The following MEGF11 variants were observed in gnomAD, a reference collection of about 807,000 sequenced individuals.
The protein encoded by MEGF11 is multiple EGF like domains 11, also known as multiple epidermal growth factor-like domains protein 11.
Under a neutral mutation model 146.6 loss-of-function variants are expected in MEGF11, and 126 were observed. That is an observed-to-expected ratio of 0.86 (90% CI 0.74 to 1.00). The LOEUF is 1.00. Among genes scored for constraint, MEGF11 ranks in the 50% least tolerant of loss-of-function variants. The pLI, the probability that MEGF11 is intolerant of heterozygous loss-of-function variation, is 0.00. For synonymous variants in MEGF11, 532 were observed against 583.4 expected (o/e 0.91, Z 1.27); for missense variants, 1,509 against 1,521.2 (o/e 0.99, Z 0.13).
chr15:65,917,677 C>A (rs1032659854), intron 16 of MEGF11, among the ~76,000 whole-genome samples: 2 of 152,242 alleles, frequency 1.3e-5, no homozygotes, highest in African/African-American at 4.8e-5. Context: ...CCCATCCAAA[C>A]TCGGGCTGCT....
chr15:65,965,583 T>C (rs1329997198), intron 8 of MEGF11, among the ~76,000 whole-genome samples: 12 of 20,572 alleles, frequency 5.8e-4, no homozygotes, highest in Admixed American at 1.6e-3. Flanking sequence ...TTTCTTTCTT[T>C]CTTTCTTTCT....
chr15:66,210,246 C>T (rs1180969551), intron 1 of MEGF11, among the ~76,000 whole-genome samples: 2 of 152,206 alleles, frequency 1.3e-5, no homozygotes, highest in Non-Finnish European at 2.9e-5. Flanking sequence ...TCTTCAACTG[C>T]ATGTGAATCT....
chr15:66,047,816 G>A (rs1306527065), intron 5 of MEGF11, among the ~76,000 whole-genome samples: 3 of 152,224 alleles, frequency 2.0e-5, no homozygotes, highest in Admixed American at 1.3e-4. Context: ...CAGGACTGGG[G>A]CTGAGAGATG....
At chr15:66,080,899 C>G (rs542618855) in intron 5 of MEGF11, among the ~76,000 whole-genome samples, 1 of 152,214 alleles carries the variant, frequency 6.6e-6, no homozygotes, top group Non-Finnish European at 1.5e-5. Flanking sequence ...TGCGAAGGGC[C>G]GCGGGCTTGG....
At chr15:66,032,321 T>C (rs2083554374) in intron 5 of MEGF11, among the ~76,000 whole-genome samples, 1 of 152,188 alleles carries the variant, frequency 6.6e-6, no homozygotes, top group African/African-American at 2.4e-5. Context: ...AGAAAATTGA[T>C]ACTGAAAAAT....
At chr15:66,147,603 C>T (rs1567263450) in intron 1 of MEGF11, among the ~76,000 whole-genome samples, 3 of 152,208 alleles carry the variant, frequency 2.0e-5, no homozygotes, top group Admixed American at 6.5e-5. Context: ...GGCAACAGTG[C>T]TCCGGGCAGA....
At chr15:66,114,057 T>C (rs2140881663) in intron 4 of MEGF11, among the ~76,000 whole-genome samples, 1 of 152,268 alleles carries the variant, frequency 6.6e-6, no homozygotes, top group South Asian at 2.1e-4. Flanking sequence ...GTCCCCCAGG[T>C]GATTCTGGTT....
chr15:66,014,048 G>C (rs1365378141), intron 5 of MEGF11, among the ~76,000 whole-genome samples: 1 of 152,228 alleles, frequency 6.6e-6, no homozygotes, highest in Admixed American at 6.5e-5. Context: ...ATGGGTTTGA[G>C]TGAGGAGAGG....
intron 1 of MEGF11, among the ~76,000 whole-genome samples, chr15:66,236,364 G>A (rs1259115560): frequency 6.6e-6 from 1 of 152,144 alleles, no homozygotes; most frequent in African/African-American, 2.4e-5. Context: ...CGACAGGCAG[G>A]GACATGGTCC....
At chr15:66,148,219 G>A (rs1477298383) in intron 1 of MEGF11, among the ~76,000 whole-genome samples, 2 of 152,094 alleles carry the variant, frequency 1.3e-5, no homozygotes, top group Non-Finnish European at 2.9e-5. Context: ...GTAATGATGT[G>A]ATGTAGGGAA....
At chr15:66,044,813 A>G (rs2140313702) in intron 5 of MEGF11, among the ~76,000 whole-genome samples, 2 of 147,324 alleles carry the variant, frequency 1.4e-5, no homozygotes, top group African/African-American at 5.1e-5. Context: ...TGATCACATC[A>G]CTGCACTGCA....
chr15:65,905,144 C>G (rs1187949486), intron 24 of MEGF11: 1 of 152,296 alleles, frequency 6.6e-6, no homozygotes, highest in Non-Finnish European at 1.5e-5. Flanking sequence ...CCACCTGCCT[C>G]GGCCTCTCAA....
chr15:66,186,978 C>A (rs1230598011), intron 1 of MEGF11, among the ~76,000 whole-genome samples: 2 of 152,174 alleles, frequency 1.3e-5, no homozygotes, highest in Non-Finnish European at 2.9e-5. Flanking sequence ...CTGTGTGTGG[C>A]CTCAGGTGCA....
intron 5 of MEGF11, among the ~76,000 whole-genome samples, chr15:66,047,850 C>T (rs1008602233): frequency 3.9e-5 from 6 of 152,158 alleles, no homozygotes; most frequent in African/African-American, 7.2e-5. Flanking sequence ...CATGCCCTCC[C>T]GTGGGGCAGA....
intron 14 of MEGF11, among the ~76,000 whole-genome samples, 167 bp from the exon 15 acceptor site, chr15:65,922,639 C>T (rs565465780): frequency 2.0e-5 from 3 of 152,296 alleles, no homozygotes; most frequent in Admixed American, 1.3e-4. Context: ...GCCCTGTTTC[C>T]ATTGAGTAGC....
Position 65,992,942 on chromosome 15 carries a change from T to C in MEGF11, c.395-10454A>G, listed in dbSNP as rs113506326. Among the ~76,000 whole-genome samples, 1,213 of 152,280 alleles carry C rather than the reference T, an allele frequency of 8.0e-3. 24 individuals are homozygous for C. The highest frequency in any genetic ancestry group is 0.028 in the African/African-American group (1,158 of 41,554). ...GAGGACCCAGGAGGCACCGCAGAGCTGGAACATTGGAGTTCTTTTATACTT... is the reference window on the plus strand; with the variant it reads ...GAGGACCCAGGAGGCACCGCAGAGCCGGAACATTGGAGTTCTTTTATACTT... On this transcript the variant is annotated intron_variant, in intron 5 of 25. Coordinates refer to ENST00000395614, the MANE Select transcript of MEGF11 (RefSeq NM_001385028.1).
At chr15:65,908,954 C>A in intron 23 of MEGF11, 80 bp downstream of exon 23, 3 of 854,584 alleles carry the variant, frequency 3.5e-6, no homozygotes, top group South Asian at 1.5e-5. Context: ...GGGTGGGGGT[C>A]AAGGTGCAGG....
At chr15:66,034,405 TTTTTTTG>T (rs2140255784) in intron 5 of MEGF11, among the ~76,000 whole-genome samples, 1 of 150,804 alleles carries the variant, frequency 6.6e-6, no homozygotes, top group South Asian at 2.1e-4. Context: ...CTGGTTTTTT[TTTTTTTG>T]TTTTTGTTTT....
intron 9 of MEGF11, among the ~76,000 whole-genome samples, chr15:65,960,851 G>C (rs150369932): frequency 1.2e-4 from 18 of 152,268 alleles, no homozygotes; most frequent in African/African-American, 4.3e-4. Context: ...TCCTGCTTTT[G>C]ATCTCTGCTG....
Sources: gnomAD v4.1 joint callset for allele counts (sites outside exome capture counted in the v4.1 genomes callset) on GRCh38, gnomAD v4.1.1 for gene constraint, MANE v1.5 for transcripts, NCBI Gene and HGNC (gene_info 2026-07-23, HGNC 2026-07-21) for gene names.